The following NUP85 variants were observed in gnomAD, a reference collection of about 807,000 sequenced individuals.
NUP85 encodes nucleoporin 85, also known as nuclear pore complex protein Nup85.
NUP85 carries 23 observed loss-of-function variants against 92.8 expected under a neutral mutation model. The ratio of observed to expected loss-of-function variants is 0.25; its 90% CI spans 0.18 to 0.35. The LOEUF (loss-of-function observed/expected upper bound fraction) is 0.35, where lower values mean the gene tolerates loss of function less well. NUP85 is among the 10% of genes least tolerant of loss of function. The probability of loss-of-function intolerance (pLI) is 1.00; values close to 1 mark genes in which losing one functional copy is unlikely to be tolerated. For missense variants in NUP85, 759 were observed against 822.8 expected, an observed-to-expected ratio of 0.92 and a Z score of 0.95; for synonymous variants, 314 against 306.9, an observed-to-expected ratio of 1.02 and a Z score of -0.24.
At position 75,225,089 on chromosome 17, in the gene NUP85, G is replaced by A. The variant is rs748102685; in HGVS notation, c.598-14G>A. The A allele has an allele frequency of 3.9e-6, 6 of 1,532,552 alleles. No homozygotes were observed. Among genetic ancestry groups the A allele is most frequent in the South Asian group, 3.8e-5 (3 of 78,284 alleles). 94.9% of individuals were successfully genotyped at this position (1,532,552 alleles called of 1,614,324 possible). ...GCCTCCTGCCAATGCTTATGGGCCC[G>A]GATCTCCTCCCAGGTGACCATCTTG... On this transcript the variant is annotated splice_polypyrimidine_tract_variant and intron_variant, in intron 7 of 18. Transcript: ENST00000245544.
intron 1 of NUP85, 26 bp downstream of exon 1, chr17:75,205,820 T>C (rs2075060375): frequency 6.2e-7 from 1 of 1,613,774 alleles, no homozygotes. Context: ...ACAGGCTTGC[T>C]CGTCCTTGCG....
rs151150664 is a variant in NUP85, at chr17:75,231,204, C to T, written c.1095-136C>T. On this transcript the variant is annotated intron_variant, in intron 11 of 18. Coordinates refer to ENST00000245544, the MANE Select transcript of NUP85 (RefSeq NM_024844.5). This position sits in a 1 kb window ranked among gnomAD's most constrained non-coding sequence, Gnocchi z 4.6. ...TTGGCCTCCCAAAGTACTGGGATCA[C>T]GGGCATGAGCTATCATCACGCCCGG... 269 of 816,930 alleles carry T rather than the reference C, an allele frequency of 3.3e-4. No individual in the cohort carries two copies. In the African/African-American group the frequency reaches 3.6e-3, roughly 11 times the overall value. The allele number at this position is 816,930 out of a possible 1,614,324, so 50.6% of individuals were successfully genotyped here. A position where few individuals can be genotyped will look rare whatever the true frequency, so the allele number is the denominator to read the frequency against.
intron 3 of NUP85, 41 bp downstream of exon 3, chr17:75,210,026 T>G: frequency 6.4e-7 from 1 of 1,561,886 alleles, no homozygotes; most frequent in South Asian, 1.2e-5. Context: ...CACACTACAC[T>G]GTGGAAAGCC....
intron 16 of NUP85, among the ~76,000 whole-genome samples, chr17:75,233,437 CTTT>C (rs60396796): frequency 8.5e-6 from 1 of 117,184 alleles, no homozygotes; most frequent in Non-Finnish European, 1.7e-5. Flanking sequence ...TTTATTTTTT[CTTT>C]TTTTTTTTTT....
chr17:75,235,081 G>A lies in NUP85; in HGVS notation c.1768-19G>A. ...GCCAGGGCTGGGGGCAGCCAAGCAA[G>A]GCAGGCTCTCTTCCCTAGGTGATTT... On this transcript the variant is annotated intron_variant, in intron 17 of 18. Transcript: ENST00000245544. The A allele has an allele frequency of 6.2e-7, 1 of 1,605,486 alleles. No homozygotes were observed. The highest frequency in any genetic ancestry group is 8.5e-7 in the Non-Finnish European group (1 of 1,172,746).
intron 11 of NUP85, among the ~76,000 whole-genome samples, chr17:75,230,365 T>TTG (rs142112813): frequency 1.5e-4 from 4 of 26,332 alleles, no homozygotes; most frequent in Non-Finnish European, 7.5e-4. Context: ...GTTTTTTGTT[T>TTG]TTTTTTTTTT....
Position 75,233,048 on chromosome 17 carries a change from G to A in NUP85, c.1515-10G>A, listed in dbSNP as rs1239724896. On this transcript the variant is annotated splice_polypyrimidine_tract_variant and intron_variant, in intron 15 of 18. Coordinates refer to ENST00000245544, the MANE Select transcript of NUP85 (RefSeq NM_024844.5). ...GACTGCTGCTCTGATCTCTGGGCCG[G>A]GCCCTGCAGGTTCCTCAGGGATTAC... 4 of 1,613,856 alleles carry A rather than the reference G, an allele frequency of 2.5e-6. No individual in the cohort carries two copies. Among genetic ancestry groups the A allele is most frequent in the Non-Finnish European group, 1.7e-6 (2 of 1,179,786 alleles).
At chr17:75,210,892 G>T (rs2075237228) in intron 3 of NUP85, among the ~76,000 whole-genome samples, 1 of 151,638 alleles carries the variant, frequency 6.6e-6, no homozygotes, top group South Asian at 2.1e-4. Flanking sequence ...TAGTAGAGAC[G>T]GGGTTTCACC....
At chr17:75,230,408 G>A (rs1201078717) in intron 11 of NUP85, among the ~76,000 whole-genome samples, 2 of 145,078 alleles carry the variant, frequency 1.4e-5, no homozygotes, top group Non-Finnish European at 3.0e-5. Context: ...CGCCCAGGCC[G>A]GAGTACAATG....
intron 9 of NUP85, 35 bp from the exon 10 acceptor site, chr17:75,225,660 AGAG>A (rs1336481163): frequency 1.2e-6 from 2 of 1,611,838 alleles, no homozygotes; most frequent in Non-Finnish European, 1.7e-6. Flanking sequence ...GGTACCCCTG[AGAG>A]GAGGACAGAG....
chr17:75,210,113 G>T, intron 3 of NUP85, 128 bp downstream of exon 3: 1 of 865,004 alleles, frequency 1.2e-6, no homozygotes, highest in Admixed American at 3.0e-5. Context: ...TTCTAGTTGA[G>T]GCATGAGTAC....
rs2076068850 is a variant in NUP85, at chr17:75,231,746, G to C, written c.1245-82G>C. On this transcript the variant is annotated intron_variant, in intron 13 of 18. Coordinates refer to ENST00000245544, the MANE Select transcript of NUP85 (RefSeq NM_024844.5). The surrounding 1 kb of genome is among the most constrained non-coding windows in gnomAD (Gnocchi z 4.6). Reference sequence around the variant, plus strand: ...GTTGGCTCCTTGAAGGCTTCGGAAGGGTCAGTGAAAGGGAGCTGTAGGTGC... The same window carrying C: ...GTTGGCTCCTTGAAGGCTTCGGAAGCGTCAGTGAAAGGGAGCTGTAGGTGC... 3 of 1,606,464 alleles carry C rather than the reference G, an allele frequency of 1.9e-6. No individual in the cohort carries two copies. The highest frequency in any genetic ancestry group is 1.1e-5 in the South Asian group (1 of 90,746).
chr17:75,225,127 C>T lies in NUP85; in HGVS notation c.622C>T (p.Arg208Trp), dbSNP rs767750204. 26 of 1,579,504 alleles carry T rather than the reference C, an allele frequency of 1.6e-5. No homozygotes were observed. Among genetic ancestry groups the T allele is most frequent in the Non-Finnish European group, 2.2e-5 (25 of 1,160,664 alleles). The part of the protein sequence containing the change: ...NLVTILVLQG[R>W]LDEARQMLSK... ...GGTGACCATCTTGGTGCTGCAGGGC[C>T]GGCTGGATGAGGCCCGACAGATGCT... Residue 208 changes from arginine to tryptophan, a missense_variant, in exon 8 of 19, where the codon CGG (arginine) becomes TGG (tryptophan). Physicochemically the swap from Arg to Trp is moderately radical, Grantham distance 101. Transcript: ENST00000245544.
At chr17:75,214,634 G>A (rs761777560) in intron 5 of NUP85, among the ~76,000 whole-genome samples, 1 of 152,122 alleles carries the variant, frequency 6.6e-6, no homozygotes, top group Admixed American at 6.6e-5. Context: ...CGAGGTGGGT[G>A]GATCTCTTGA....
At chr17:75,228,464 G>A (rs954850807) in intron 11 of NUP85, 2 of 985,308 alleles carry the variant, frequency 2.0e-6, no homozygotes, top group African/African-American at 3.5e-5. Flanking sequence ...GAACAGAAAA[G>A]CAGAGCTTGT....
rs1213931634 is a variant in NUP85, at chr17:75,218,346, A to T, written c.597+40A>T. 3.1e-6 allele frequency: 5 copies of T among 1,609,410 alleles called. No individual in the cohort carries two copies. In the East Asian group the frequency reaches 1.1e-4, roughly 36 times the overall value. ...GCCCCCACCTCCCACCATGTGTCCT[A>T]CTGTCCCTGGTGCTGCCGGGTGGGT... On this transcript the variant is annotated intron_variant, in intron 7 of 18. Coordinates refer to ENST00000245544, the MANE Select transcript of NUP85 (RefSeq NM_024844.5).
rs150650595 is a variant in NUP85, at chr17:75,232,954, G to T, written c.1500G>T (p.Thr500=). Reference sequence around the variant, plus strand: ...GTGCTAAGGATGCCGCCTTTGCCACGCTCGTGTCAGACAGGTGGGTGCCGC... The same window carrying T: ...GTGCTAAGGATGCCGCCTTTGCCACTCTCGTGTCAGACAGGTGGGTGCCGC... ...SIRAKDAAFA[T]LVSDRFLRDY... is the part of the protein sequence containing the mutation. The change falls in exon 15 of 19, where the codon ACG becomes ACT. Residue 500 remains threonine (T), a synonymous_variant. Transcript: ENST00000245544. 1.2e-6 allele frequency: 2 copies of T among 1,614,024 alleles called. No homozygotes were observed. The highest frequency in any genetic ancestry group is 2.7e-5 in the African/African-American group (2 of 74,918).
intron 5 of NUP85, among the ~76,000 whole-genome samples, chr17:75,214,033 AG>A (rs1252784019): frequency 4.6e-5 from 7 of 151,434 alleles, no homozygotes; most frequent in African/African-American, 1.7e-4. Flanking sequence ...TTTAGTAGAG[AG>A]GGGGTTTCAC....
chr17:75,226,428 T>G (rs2075797086), intron 11 of NUP85, among the ~76,000 whole-genome samples: 1 of 152,164 alleles, frequency 6.6e-6, no homozygotes, highest in South Asian at 2.1e-4. Context: ...ACATGGCACC[T>G]TGAACACTGT....
Sources: gnomAD v4.1 joint callset for allele counts (sites outside exome capture counted in the v4.1 genomes callset) on GRCh38, gnomAD v4.1.1 for gene constraint, Gnocchi (gnomAD v3.1) non-coding constraint, MANE v1.5 for transcripts, NCBI Gene and HGNC (gene_info 2026-07-23, HGNC 2026-07-21) for gene names.